Variants in DNAH14 observed in about 807,000 individuals in gnomAD.
DNAH14 encodes the protein dynein axonemal heavy chain 14.
Under a neutral mutation model 520.9 loss-of-function variants are expected in DNAH14, and 478 were observed. The observed-to-expected ratio is 0.92, with a 90% CI of 0.85 to 0.99. The LOEUF (loss-of-function observed/expected upper bound fraction) is 0.99. Among genes scored for constraint, DNAH14 ranks in the 50% least tolerant of loss-of-function variants. The pLI is 0.00. For synonymous variants in DNAH14, 1,581 were observed against 1,757.2 expected, an observed-to-expected ratio of 0.90 and a Z score of 2.51; for missense variants, 4,831 against 5,234.5, an observed-to-expected ratio of 0.92 and a Z score of 2.38.
At chr1:225,240,373 G>A (rs1016247493) in intron 42 of DNAH14, among the ~76,000 whole-genome samples, 5 of 150,886 alleles carry the variant, frequency 3.3e-5, no homozygotes, top group Non-Finnish European at 5.9e-5. Context: ...GACTACACAA[G>A]TTTTATACAT....
At chr1:224,941,781 C>A (rs1388542326) in intron 1 of DNAH14, among the ~76,000 whole-genome samples, 1 of 152,140 alleles carries the variant, frequency 6.6e-6, no homozygotes, top group East Asian at 1.9e-4. Flanking sequence ...TTCCCCATTG[C>A]TTGTTTTTGT....
At chr1:225,276,563 T>G (rs189987542) in intron 53 of DNAH14, among the ~76,000 whole-genome samples, 3 of 152,236 alleles carry the variant, frequency 2.0e-5, no homozygotes, top group Admixed American at 6.5e-5. Flanking sequence ...CTGCATCTCT[T>G]TCTCCTACCA....
intron 11 of DNAH14, among the ~76,000 whole-genome samples, chr1:225,035,155 T>C (rs1232307371): frequency 6.6e-6 from 1 of 152,118 alleles, no homozygotes; most frequent in Non-Finnish European, 1.5e-5. Flanking sequence ...GTTGTATGTG[T>C]CTAGCAATTG....
chr1:224,967,637 C>A (rs760377919), intron 6 of DNAH14, 54 bp downstream of exon 6: 7 of 1,595,404 alleles, frequency 4.4e-6, no homozygotes, highest in South Asian at 1.2e-5. Context: ...AAAATATTAT[C>A]CAAGGTAGAA....
At chr1:225,308,668 T>G (rs1345350200) in intron 60 of DNAH14, among the ~76,000 whole-genome samples, 1 of 152,210 alleles carries the variant, frequency 6.6e-6, no homozygotes, top group African/African-American at 2.4e-5. Flanking sequence ...CTGATTACAA[T>G]GAACAGAAAC....
intron 28 of DNAH14, among the ~76,000 whole-genome samples, chr1:225,143,721 TAAAA>T: frequency 6.6e-6 from 1 of 151,634 alleles, no homozygotes; most frequent in East Asian, 1.9e-4. Flanking sequence ...TTTTAATATT[TAAAA>T]AAAAACATAA....
At chr1:224,973,194 C>G (rs2489345) in intron 7 of DNAH14, among the ~76,000 whole-genome samples, 14,599 of 152,250 alleles carry the variant, frequency 0.096, 2,260 homozygotes, top group African/African-American at 0.33. Flanking sequence ...ATGGGATGCT[C>G]TTTGAACTGC....
chr1:225,262,273 T>C (rs2092961011), intron 46 of DNAH14, among the ~76,000 whole-genome samples: 2 of 152,096 alleles, frequency 1.3e-5, no homozygotes, highest in Non-Finnish European at 2.9e-5. Flanking sequence ...TTGCAAATAT[T>C]TTCTCCCATT....
chr1:225,365,192 A>G (rs1215961820), intron 76 of DNAH14, among the ~76,000 whole-genome samples: 1 of 152,210 alleles, frequency 6.6e-6, no homozygotes. Flanking sequence ...TCACTTCTCT[A>G]GCATTTCTTA....
intron 1 of DNAH14, among the ~76,000 whole-genome samples, chr1:224,940,170 T>C (rs2059317325): frequency 6.6e-6 from 1 of 152,202 alleles, no homozygotes; most frequent in Non-Finnish European, 1.5e-5. Context: ...ATGTGGCTGA[T>C]TTGGGTGGTC....
At chr1:225,199,265 C>T (rs2086519194) in intron 38 of DNAH14, among the ~76,000 whole-genome samples, 1 of 151,890 alleles carries the variant, frequency 6.6e-6, no homozygotes, top group Non-Finnish European at 1.5e-5. Flanking sequence ...AATGGTCTAT[C>T]AATTTTATTT....
chr1:225,172,501 C>T (rs1213678694), intron 36 of DNAH14, among the ~76,000 whole-genome samples: 3 of 152,122 alleles, frequency 2.0e-5, no homozygotes, highest in African/African-American at 7.2e-5. Flanking sequence ...CATGAGTGAA[C>T]TCCCATTCAC....
chr1:225,382,622 G>A (rs114562040), intron 81 of DNAH14, among the ~76,000 whole-genome samples: 6,142 of 151,962 alleles, frequency 0.04, 161 homozygotes, highest in Middle Eastern at 0.068. Context: ...GCTAAGGGAG[G>A]AGAATTGCTT....
At chr1:225,070,883 A>G (rs992426704) in intron 17 of DNAH14, among the ~76,000 whole-genome samples, 3 of 152,164 alleles carry the variant, frequency 2.0e-5, no homozygotes, top group Non-Finnish European at 4.4e-5. Context: ...GTGCACATAT[A>G]TTTAGGATAG....
At chr1:225,360,640 T>G in intron 74 of DNAH14, 41 bp from the exon 75 acceptor site, 41 of 1,483,286 alleles carry the variant, frequency 2.8e-5, no homozygotes, top group Non-Finnish European at 3.2e-5. Context: ...GGGAATTAAA[T>G]GAGCTTACAG....
Position 225,301,016 on chromosome 1 carries a change from T to C in DNAH14, c.8617T>C (p.Ser2873Pro). 1 of 1,548,280 alleles carries C rather than the reference T, an allele frequency of 6.5e-7. No homozygotes were observed. The highest frequency in any genetic ancestry group is 8.7e-7 in the Non-Finnish European group (1 of 1,146,026). ...TATGGATAATAGGCAATCTTTACTT[T>C]CATTCTTTCAAAAGGTACTTTTTTG... ...GHMDNRQSLL[S>P]FFQKRIYKNL... Residue 2873 changes from serine (S) to proline (P), a missense_variant, in exon 56 of 86, where the codon TCA (serine) becomes CCA (proline). Ser to Pro is a moderately conservative substitution (Grantham distance 74). Coordinates refer to ENST00000682510, the MANE Select transcript of DNAH14 (RefSeq NM_001367479.1).
chr1:225,005,988 G>A lies in DNAH14; in HGVS notation c.976-1425G>A, dbSNP rs144291440. On this transcript the variant is annotated intron_variant, in intron 9 of 85. Transcript: ENST00000682510. Reference sequence around the variant, plus strand: ...TTGTGGGAAGTTGGGGACCCCAAACGGAGGGACCGGCTGAAGCCACGGCAG... The same window carrying A: ...TTGTGGGAAGTTGGGGACCCCAAACAGAGGGACCGGCTGAAGCCACGGCAG... 4.7e-3 allele frequency among the ~76,000 whole-genome samples: 720 copies of A among 152,220 alleles called. 4 individuals are homozygous for A. Among genetic ancestry groups the A allele is most frequent in the African/African-American group, 0.016 (675 of 41,542 alleles).
intron 21 of DNAH14, among the ~76,000 whole-genome samples, chr1:225,094,099 A>G (rs561933535): frequency 2.0e-5 from 3 of 152,320 alleles, no homozygotes; most frequent in East Asian, 3.9e-4. Flanking sequence ...CATGCTACCA[A>G]TGACATTCTT....
chr1:225,118,041 C>G (rs2076998765), intron 25 of DNAH14, 42 bp downstream of exon 25: 1 of 1,395,310 alleles, frequency 7.2e-7, no homozygotes, highest in Non-Finnish European at 1.0e-6. Context: ...TGTACAACGT[C>G]ATTATTTAAA....
Sources: allele counts gnomAD v4.1 joint callset (sites outside exome capture counted in the v4.1 genomes callset), GRCh38; gene constraint gnomAD v4.1.1; transcripts MANE v1.5; gene names NCBI Gene and HGNC (gene_info 2026-07-23, HGNC 2026-07-21).